CSMD1: variants seen among roughly 807,000 people sequenced by gnomAD.
The protein encoded by CSMD1 is CUB and sushi domain-containing protein 1.
Under a neutral mutation model 417.5 loss-of-function variants are expected in CSMD1, and 213 were observed. That is an observed-to-expected ratio of 0.51 (90% CI 0.46 to 0.57). CSMD1 has a LOEUF of 0.57. Ranked by LOEUF, CSMD1 falls within the 20% of genes least tolerant of loss-of-function variation. The pLI is 0.00. For missense variants in CSMD1, 6,923 were observed against 4,529.7 expected, an observed-to-expected ratio of 1.53 and a Z score of -15.17; for synonymous variants, 2,862 against 1,736.8, an observed-to-expected ratio of 1.65 and a Z score of -16.11.
In CSMD1 at chr8:4,791,106, G is replaced by A. The variant is rs184388346; in HGVS notation, c.86-153548C>T. Among the ~76,000 whole-genome samples, 42 of 152,192 alleles carry A rather than the reference G, an allele frequency of 2.8e-4. No individual in the cohort carries two copies. The East Asian group carries it at 4.3e-3, about 15-fold the overall frequency. On this transcript the variant is annotated intron_variant, in intron 1 of 69. Coordinates refer to ENST00000635120, the MANE Select transcript of CSMD1 (RefSeq NM_033225.6). Reference sequence around the variant, plus strand: ...GGTGAGAGAGACGGTGAGAAGAGACGGGGAGAAGAGACGGGGAGGGAGAAA... The same window carrying A: ...GGTGAGAGAGACGGTGAGAAGAGACAGGGAGAAGAGACGGGGAGGGAGAAA...
intron 6 of CSMD1, among the ~76,000 whole-genome samples, chr8:3,711,516 G>C (rs955887750): frequency 6.6e-6 from 1 of 152,182 alleles, no homozygotes; most frequent in Non-Finnish European, 1.5e-5. Context: ...CTCAGAGAGG[G>C]ACTTGCTCTG....
At chr8:4,494,176 T>G (rs1275868766) in intron 2 of CSMD1, among the ~76,000 whole-genome samples, 1 of 152,204 alleles carries the variant, frequency 6.6e-6, no homozygotes, top group Non-Finnish European at 1.5e-5. Context: ...AATATTCCTG[T>G]CAGCCACATA....
intron 5 of CSMD1, among the ~76,000 whole-genome samples, chr8:3,760,748 T>C (rs1797948676): frequency 6.6e-6 from 1 of 152,242 alleles, no homozygotes; most frequent in African/African-American, 2.4e-5. Flanking sequence ...CTTATGTCTT[T>C]AGAAAATCAT....
At chr8:4,893,179 C>T (rs1170201766) in intron 1 of CSMD1, among the ~76,000 whole-genome samples, 1 of 152,106 alleles carries the variant, frequency 6.6e-6, no homozygotes, top group Non-Finnish European at 1.5e-5. Flanking sequence ...CTGTGATTTT[C>T]ATCAGCTTTA....
intron 5 of CSMD1, among the ~76,000 whole-genome samples, chr8:3,922,794 CTT>C (rs1273092062): frequency 6.6e-6 from 1 of 151,894 alleles, no homozygotes; most frequent in African/African-American, 2.4e-5. Context: ...ACTTTTAAAA[CTT>C]TTTAATTGAT....
At chr8:3,023,880 C>T (rs1809643773) in intron 51 of CSMD1, among the ~76,000 whole-genome samples, 1 of 148,880 alleles carries the variant, frequency 6.7e-6, no homozygotes, top group African/African-American at 2.5e-5. Context: ...AGGAAAATGA[C>T]TGCTCCTTAC....
At chr8:3,182,578 CTGTGTGTGTGTGTGTGTGTGTGTGTG>C (rs35090952) in intron 36 of CSMD1, among the ~76,000 whole-genome samples, 16,867 of 94,116 alleles carry the variant, frequency 0.18, 2,001 homozygotes, top group Admixed American at 0.27. Flanking sequence ...TTATAAGAAG[CTGTGTGTGTGTGTGTGTGTGTGTGTG>C]TGTGTGTGTG....
chr8:4,920,593 A>C (rs1245917877), intron 1 of CSMD1, among the ~76,000 whole-genome samples: 1 of 152,106 alleles, frequency 6.6e-6, no homozygotes, highest in African/African-American at 2.4e-5. Context: ...AGGCTGAGGC[A>C]GGTGGATCAC....
chr8:3,578,679 G>A (rs1262885891), intron 9 of CSMD1, among the ~76,000 whole-genome samples: 1 of 152,056 alleles, frequency 6.6e-6, no homozygotes, highest in Admixed American at 6.6e-5. Flanking sequence ...TTCACTTCAT[G>A]CAAAGAACCG....
At chr8:4,109,094 C>G (rs982461349) in intron 3 of CSMD1, among the ~76,000 whole-genome samples, 3 of 152,126 alleles carry the variant, frequency 2.0e-5, no homozygotes, top group Non-Finnish European at 2.9e-5. Context: ...TCCATTCTCC[C>G]TATATACATT....
intron 3 of CSMD1, among the ~76,000 whole-genome samples, chr8:4,082,669 T>A (rs898736556): frequency 6.6e-6 from 1 of 150,922 alleles, no homozygotes. Context: ...AATGTGCAGG[T>A]TAGTTACATA....
At chr8:4,585,900 T>G (rs749511880) in intron 2 of CSMD1, among the ~76,000 whole-genome samples, 1 of 152,186 alleles carries the variant, frequency 6.6e-6, no homozygotes, top group East Asian at 1.9e-4. Context: ...ATACAAAATG[T>G]AAGCTGATGG....
intron 2 of CSMD1, among the ~76,000 whole-genome samples, chr8:4,567,371 G>C (rs1284167657): frequency 1.3e-5 from 2 of 152,140 alleles, no homozygotes; most frequent in Non-Finnish European, 2.9e-5. Flanking sequence ...AGAGACCTCT[G>C]TTGCACCAGG....
intron 4 of CSMD1, among the ~76,000 whole-genome samples, chr8:4,008,929 T>G (rs531131174): frequency 9.9e-5 from 15 of 152,262 alleles, no homozygotes; most frequent in African/African-American, 3.1e-4. Flanking sequence ...ATTTTCTAAA[T>G]TGTGCTCCTA....
At chr8:3,305,135 C>T (rs1248683507) in intron 25 of CSMD1, among the ~76,000 whole-genome samples, 2 of 152,126 alleles carry the variant, frequency 1.3e-5, no homozygotes, top group East Asian at 3.9e-4. Flanking sequence ...CTTGCTTCAT[C>T]CCCTCAAAGA....
chr8:4,726,719 G>C (rs1218900709), intron 1 of CSMD1, among the ~76,000 whole-genome samples: 1 of 152,094 alleles, frequency 6.6e-6, no homozygotes, highest in African/African-American at 2.4e-5. Context: ...TTCTCCTTCT[G>C]GAACTTTCAC....
intron 3 of CSMD1, among the ~76,000 whole-genome samples, chr8:4,348,358 A>T (rs535705115): frequency 6.6e-6 from 1 of 152,192 alleles, no homozygotes; most frequent in Admixed American, 6.5e-5. Flanking sequence ...AATCCACCCA[A>T]GTGTACTACG....
intron 5 of CSMD1, among the ~76,000 whole-genome samples, chr8:3,968,104 G>A (rs1337058297): frequency 2.6e-5 from 4 of 151,512 alleles, no homozygotes; most frequent in Admixed American, 2.0e-4. Context: ...GGAGAATGGC[G>A]TGAACCCGGG....
At chr8:4,626,302 G>T (rs551665879) in intron 2 of CSMD1, among the ~76,000 whole-genome samples, 2 of 151,884 alleles carry the variant, frequency 1.3e-5, no homozygotes, top group Admixed American at 6.6e-5. Context: ...TGTTCATTGC[G>T]GGGGGCTGTG....
Sources: gnomAD v4.1 joint callset for allele counts (sites outside exome capture counted in the v4.1 genomes callset) on GRCh38, gnomAD v4.1.1 for gene constraint, MANE v1.5 for transcripts, NCBI Gene and HGNC (gene_info 2026-07-23, HGNC 2026-07-21) for gene names.